The following ZNF827 variants were observed in gnomAD, a reference collection of about 807,000 sequenced individuals.
ZNF827 encodes the protein zinc finger protein 827.
A neutral mutation model predicts 102.4 loss-of-function variants in ZNF827; 13 were observed. That is an observed-to-expected ratio of 0.13 (90% CI 0.08 to 0.20). ZNF827 has a LOEUF of 0.20. ZNF827 is among the 10% of genes least tolerant of loss of function. The pLI, the probability that ZNF827 is intolerant of heterozygous loss-of-function variation, is 1.00. For synonymous variants in ZNF827, 523 were observed against 536.2 expected, an observed-to-expected ratio of 0.98 and a Z score of 0.34; for missense variants, 1,103 against 1,344.4, an observed-to-expected ratio of 0.82 and a Z score of 2.81.
chr4:145,885,988 G>A lies in ZNF827; in HGVS notation c.1437C>T (p.His479=). 6.2e-7 allele frequency: 1 copy of A among 1,614,104 alleles called. No individual in the cohort carries two copies. Among genetic ancestry groups the A allele is most frequent in the Non-Finnish European group, 8.5e-7 (1 of 1,179,998 alleles). The change falls in exon 4 of 15, where the codon CAC becomes CAT. Residue 479 remains histidine, a synonymous_variant. Coordinates refer to ENST00000508784, the MANE Select transcript of ZNF827 (RefSeq NM_001306215.2). ...GCCCCAGGCAGGCACTGTCACTGAG[G>A]TGGGGAGATCCCTTGACATCTGGGT... ...IPDPDVKGSP[H]LSDSACLGQQ... is the part of the protein sequence containing the mutation.
At chr4:145,771,676 A>G (rs1002312839) in intron 11 of ZNF827, among the ~76,000 whole-genome samples, 2 of 150,712 alleles carry the variant, frequency 1.3e-5, no homozygotes, top group Admixed American at 6.6e-5. Context: ...TATCCCTTTA[A>G]CATAACCACT....
intron 4 of ZNF827, among the ~76,000 whole-genome samples, chr4:145,878,649 G>T (rs1489635997): frequency 8.1e-6 from 1 of 123,078 alleles, no homozygotes; most frequent in African/African-American, 3.2e-5. Flanking sequence ...GGAAAGGAAA[G>T]GAAAGGAAAG....
chr4:145,897,788 T>C (rs1751091064), intron 2 of ZNF827, among the ~76,000 whole-genome samples: 1 of 152,118 alleles, frequency 6.6e-6, no homozygotes, highest in Non-Finnish European at 1.5e-5. Context: ...TGACGGACAG[T>C]TCTAAAAATC....
Position 145,818,410 on chromosome 4 carries a change from C to T in ZNF827, c.2383+5012G>A, listed in dbSNP as rs186628509. Among the ~76,000 whole-genome samples the T allele has an allele frequency of 2.4e-3, 367 of 152,256 alleles. 1 individual carries two copies. The highest frequency in any genetic ancestry group is 0.014 in the Middle Eastern group (4 of 292). ...ATTCCTATGTCTCAATGAGTTGTTTCCAGAATTAAAAATGAGATGACATAT... is the reference window on the plus strand; with the variant it reads ...ATTCCTATGTCTCAATGAGTTGTTTTCAGAATTAAAAATGAGATGACATAT... On this transcript the variant is annotated intron_variant, in intron 8 of 14. Coordinates refer to ENST00000508784, the MANE Select transcript of ZNF827 (RefSeq NM_001306215.2).
intron 7 of ZNF827, 116 bp downstream of exon 7, chr4:145,845,840 G>T (rs1330234525): frequency 3.1e-6 from 3 of 978,060 alleles, no homozygotes; most frequent in African/African-American, 1.6e-5. Context: ...GTGGTAAAGG[G>T]TGTGACTCCT....
chr4:145,829,131 T>C (rs1743953147), intron 7 of ZNF827, among the ~76,000 whole-genome samples: 1 of 151,330 alleles, frequency 6.6e-6, no homozygotes, highest in South Asian at 2.1e-4. Context: ...CACAACAGTT[T>C]TAAAGGAGCA....
chr4:145,925,842 T>G (rs1753380973), intron 1 of ZNF827, among the ~76,000 whole-genome samples: 1 of 152,242 alleles, frequency 6.6e-6, no homozygotes, highest in African/African-American at 2.4e-5. Context: ...CTTGAAGTCC[T>G]TAGAAAATCA....
chr4:145,865,246 G>C (rs1748081452), intron 5 of ZNF827, among the ~76,000 whole-genome samples: 1 of 152,096 alleles, frequency 6.6e-6, no homozygotes, highest in African/African-American at 2.4e-5. Flanking sequence ...TCTAAAAAAA[G>C]GTTCCCAGAT....
chr4:145,862,912 T>G (rs1231227650), intron 5 of ZNF827, among the ~76,000 whole-genome samples: 1 of 152,090 alleles, frequency 6.6e-6, no homozygotes. Context: ...TCATCAAAAT[T>G]AAAAACGTTC....
chr4:145,917,942 T>C (rs1752786740), intron 1 of ZNF827, among the ~76,000 whole-genome samples: 1 of 152,094 alleles, frequency 6.6e-6, no homozygotes. Context: ...AACCAGCTTA[T>C]CCTCCACCCA....
intron 1 of ZNF827, among the ~76,000 whole-genome samples, chr4:145,926,274 T>C (rs1239572144): frequency 2.6e-5 from 4 of 152,234 alleles, no homozygotes; most frequent in Non-Finnish European, 5.9e-5. Flanking sequence ...AAGAACTTCA[T>C]ATATTTGAAT....
chr4:145,865,191 G>A (rs1748074108), intron 5 of ZNF827, among the ~76,000 whole-genome samples: 1 of 152,064 alleles, frequency 6.6e-6, no homozygotes, highest in Non-Finnish European at 1.5e-5. Context: ...TATTATCTGA[G>A]GCTCACAGCC....
intron 1 of ZNF827, among the ~76,000 whole-genome samples, chr4:145,912,148 G>A (rs1349539744): frequency 6.6e-6 from 1 of 152,134 alleles, no homozygotes; most frequent in African/African-American, 2.4e-5. Context: ...CATCAAGTAC[G>A]CAATATTTTC....
rs1754422842 is a variant in ZNF827 at position 145,938,802 on chromosome 4, C to G, written c.-395G>C. On this transcript the variant is annotated 5_prime_UTR_variant, in exon 1 of 15. Coordinates refer to ENST00000508784, the MANE Select transcript of ZNF827 (RefSeq NM_001306215.2). ...GTGTCTATGGCCGCGCTCTGTGTCTCCGAGCCCCTAACACTAATGTCGGGA... is the reference window on the plus strand; with the variant it reads ...GTGTCTATGGCCGCGCTCTGTGTCTGCGAGCCCCTAACACTAATGTCGGGA... Among the ~76,000 whole-genome samples the G allele has an allele frequency of 6.6e-6, 1 of 151,844 alleles. No individual in the cohort carries two copies. The highest frequency in any genetic ancestry group is 6.6e-5 in the Admixed American group (1 of 15,236).
chr4:145,920,792 T>G (rs1023458251), intron 1 of ZNF827, among the ~76,000 whole-genome samples: 1 of 152,230 alleles, frequency 6.6e-6, no homozygotes, highest in African/African-American at 2.4e-5. Context: ...TCAACAATAT[T>G]AATAGAACAT....
chr4:145,775,866 C>T lies in ZNF827; in HGVS notation c.2616G>A (p.Val872=), dbSNP rs377386498. The T allele has an allele frequency of 1.3e-5, 21 of 1,614,182 alleles. No individual in the cohort carries two copies. Among genetic ancestry groups the T allele is most frequent in the Non-Finnish European group, 1.8e-5 (21 of 1,180,028 alleles). ...TGACAATGTCCTCGGTGTCTGTACT[C>T]ACCAGCTTCACGGAATGGACGGTCA... ...QHLTVHSVKL[V]STDTEDIVSA... Residue 872 remains valine, a synonymous_variant, in exon 10 of 15, where the codon GTG becomes GTA. Coordinates refer to ENST00000508784, the MANE Select transcript of ZNF827 (RefSeq NM_001306215.2).
intron 7 of ZNF827, among the ~76,000 whole-genome samples, chr4:145,827,471 C>T (rs575335902): frequency 3.9e-5 from 6 of 152,326 alleles, no homozygotes; most frequent in African/African-American, 1.4e-4. Context: ...ACTTGTACCA[C>T]TCATGGGCCT....
At chr4:145,805,708 C>G (rs1741353808) in intron 8 of ZNF827, among the ~76,000 whole-genome samples, 1 of 152,136 alleles carries the variant, frequency 6.6e-6, no homozygotes, top group Non-Finnish European at 1.5e-5. Context: ...AATGAAAGCC[C>G]AAGTCCATGC....
intron 1 of ZNF827, among the ~76,000 whole-genome samples, chr4:145,927,888 T>A (rs1439698372): frequency 6.6e-6 from 1 of 152,086 alleles, no homozygotes. Flanking sequence ...TTGAGTAATG[T>A]ACTGTTTTCC....
Sources: gnomAD v4.1 joint callset for allele counts (sites outside exome capture counted in the v4.1 genomes callset) on GRCh38, gnomAD v4.1.1 for gene constraint, MANE v1.5 for transcripts, NCBI Gene and HGNC (gene_info 2026-07-23, HGNC 2026-07-21) for gene names.